ZNF638: variants seen among roughly 807,000 people sequenced by gnomAD.
ZNF638 encodes zinc finger protein 638.
ZNF638 carries 46 observed loss-of-function variants against 195.6 expected under a neutral mutation model. The ratio of observed to expected loss-of-function variants is 0.24; its 90% CI spans 0.19 to 0.30. ZNF638 has a LOEUF of 0.30. ZNF638 is among the 10% of genes least tolerant of loss of function. The probability of loss-of-function intolerance (pLI) is 1.00; values close to 1 mark genes in which losing one functional copy is unlikely to be tolerated. For synonymous variants in ZNF638, 845 were observed against 772.0 expected (o/e 1.09, Z -1.57); for missense variants, 2,440 against 2,325.3 (o/e 1.05, Z -1.01).
intron 1 of ZNF638, among the ~76,000 whole-genome samples, chr2:71,333,371 C>G (rs371826034): frequency 2.6e-5 from 4 of 152,234 alleles, no homozygotes; most frequent in African/African-American, 9.6e-5. Context: ...TGGAAGAAAT[C>G]ACAAAATCTT....
At chr2:71,342,135 C>T (rs1048154092) in intron 1 of ZNF638, among the ~76,000 whole-genome samples, 8 of 145,954 alleles carry the variant, frequency 5.5e-5, no homozygotes, top group African/African-American at 2.0e-4. Context: ...GCAGGAGAAT[C>T]GCTTGAACCC....
At chr2:71,409,882 G>C (rs1455707590) in intron 20 of ZNF638, among the ~76,000 whole-genome samples, 1 of 152,120 alleles carries the variant, frequency 6.6e-6, no homozygotes, top group Non-Finnish European at 1.5e-5. Context: ...TCACGTCACA[G>C]GTGGTTTTTC....
chr2:71,380,145 A>G, intron 8 of ZNF638, 77 bp from the exon 9 acceptor site: 1 of 793,516 alleles, frequency 1.3e-6, no homozygotes, highest in Non-Finnish European at 1.9e-6. Context: ...GAATAGGAAG[A>G]TTTTAGATTT....
intron 1 of ZNF638, among the ~76,000 whole-genome samples, chr2:71,334,018 A>C (rs1396969044): frequency 6.6e-6 from 1 of 152,214 alleles, no homozygotes; most frequent in Non-Finnish European, 1.5e-5. Flanking sequence ...AAGGCCCTCT[A>C]ATCTAACTTT....
At chr2:71,339,080 A>G (rs924910343) in intron 1 of ZNF638, among the ~76,000 whole-genome samples, 4 of 150,684 alleles carry the variant, frequency 2.7e-5, no homozygotes, top group Non-Finnish European at 5.9e-5. Context: ...AAAAGATGGC[A>G]TACTGTATGC....
At chr2:71,372,056 G>GA (rs2079323576) in intron 8 of ZNF638, among the ~76,000 whole-genome samples, 1 of 152,138 alleles carries the variant, frequency 6.6e-6, no homozygotes, top group Admixed American at 6.5e-5. Context: ...TTAGATAAAA[G>GA]TCTTTAATCT....
chr2:71,411,935 T>TA lies in ZNF638; in HGVS notation c.3261+3689dup, dbSNP rs1370401384. On this transcript the variant is annotated intron_variant, in intron 20 of 27. Transcript: ENST00000264447. ...ATTGTGAATAGTGCCGCAATAAACA[T>TA]ACGTGTGCATGTGTCTTTATAGCAG... Among the ~76,000 whole-genome samples, 36 of 82,342 alleles carry TA rather than the reference T, an allele frequency of 4.4e-4. 4 individuals carry two copies. In the East Asian group the frequency reaches 7.9e-3, roughly 18 times the overall value. 54.0% of individuals were successfully genotyped at this position (82,342 alleles called of 152,430 possible). A position where few individuals can be genotyped will look rare whatever the true frequency, so the allele number is the denominator to read the frequency against.
Position 71,423,294 on chromosome 2 carries a change from A to G in ZNF638, c.3780A>G (p.Glu1260=), listed in dbSNP as rs1295565987. 1 of 1,614,000 alleles carries G rather than the reference A, an allele frequency of 6.2e-7. No individual in the cohort carries two copies. Among genetic ancestry groups the G allele is most frequent in the Non-Finnish European group, 8.5e-7 (1 of 1,179,982 alleles). ...FISGITQTMV[E]AVAEVEKNET... is the part of the protein sequence containing the mutation. ...CTGGAATTACACAGACTATGGTAGA[A>G]GCTGTAGCTGAAGTAGAAAAAAATG... The change falls in exon 22 of 28, where the codon GAA becomes GAG. Residue 1260 remains glutamate, a synonymous_variant. Coordinates refer to ENST00000264447, the MANE Select transcript of ZNF638 (RefSeq NM_014497.5).
In ZNF638 at chr2:71,349,944, A is replaced by G. The variant is rs752068883; in HGVS notation, c.990A>G (p.Pro330=). The change falls in exon 2 of 28, where the codon CCA becomes CCG. Residue 330 remains proline, a synonymous_variant. Transcript: ENST00000264447. ...SQTMSQSLIP[P]SMNQQPFSSE... ...CAATGAGTCAATCTCTGATTCCTCC[A>G]TCTATGAACCAGCAACCTTTTTCGT... is the stretch of plus-strand genomic sequence containing the variant. 2 of 1,614,250 alleles carry G rather than the reference A, an allele frequency of 1.2e-6. No individual in the cohort carries two copies. The highest frequency in any genetic ancestry group is 2.2e-5 in the East Asian group (1 of 44,888).
chr2:71,381,253 G>T (rs540000476), intron 10 of ZNF638, among the ~76,000 whole-genome samples: 9 of 152,218 alleles, frequency 5.9e-5, no homozygotes, highest in African/African-American at 1.9e-4. Context: ...CGTTTTGTAT[G>T]TTCTGTTTGG....
At chr2:71,377,215 G>A (rs1445291796) in intron 8 of ZNF638, among the ~76,000 whole-genome samples, 1 of 152,090 alleles carries the variant, frequency 6.6e-6, no homozygotes, top group Non-Finnish European at 1.5e-5. Context: ...GCTGGGTGAC[G>A]GAGTGAGACC....
At chr2:71,341,564 G>A (rs577903809) in intron 1 of ZNF638, 9 of 152,092 alleles carry the variant, frequency 5.9e-5, no homozygotes, top group African/African-American at 2.2e-4. Flanking sequence ...TTTGTTTGCA[G>A]CTTTATTGTT....
chr2:71,409,511 A>G (rs1481253739), intron 20 of ZNF638, among the ~76,000 whole-genome samples: 1 of 152,194 alleles, frequency 6.6e-6, no homozygotes, highest in African/African-American at 2.4e-5. Flanking sequence ...AATAATGAGA[A>G]TGGGTTTATA....
chr2:71,401,907 T>C, intron 15 of ZNF638, 49 bp from the exon 16 acceptor site: 5 of 1,492,868 alleles, frequency 3.3e-6, no homozygotes, highest in Non-Finnish European at 3.6e-6. Flanking sequence ...CTTAAGTAAA[T>C]ATGAAACAAA....
At chr2:71,387,244 G>C (rs899906888) in intron 10 of ZNF638, among the ~76,000 whole-genome samples, 1 of 152,094 alleles carries the variant, frequency 6.6e-6, no homozygotes, top group Non-Finnish European at 1.5e-5. Context: ...CAAAAAGTAG[G>C]ACAGAAGAGA....
chr2:71,430,426 T>C (rs1306199245), intron 25 of ZNF638, among the ~76,000 whole-genome samples: 2 of 152,148 alleles, frequency 1.3e-5, no homozygotes, highest in African/African-American at 4.8e-5. Flanking sequence ...GTGTGAGGAA[T>C]AAGAGTAAGT....
intron 10 of ZNF638, chr2:71,388,668 C>G: frequency 2.9e-6 from 3 of 1,020,538 alleles, no homozygotes; most frequent in Non-Finnish European, 4.7e-6. Flanking sequence ...GTGAGGAACA[C>G]TGCAAGGGAT....
At chr2:71,395,165 C>T (rs1016061993) in intron 10 of ZNF638, 5 of 712,530 alleles carry the variant, frequency 7.0e-6, no homozygotes. Flanking sequence ...AACATCTCTC[C>T]TGGATAGACC....
intron 23 of ZNF638, among the ~76,000 whole-genome samples, chr2:71,425,174 CATATTTT>C (rs1366056368): frequency 1.3e-5 from 2 of 152,144 alleles, no homozygotes; most frequent in African/African-American, 4.8e-5. Flanking sequence ...TGTTGTCAAA[CATATTTT>C]ATATTTGGTT....
Sources: gnomAD v4.1 joint callset for allele counts (sites outside exome capture counted in the v4.1 genomes callset) on GRCh38, gnomAD v4.1.1 for gene constraint, MANE v1.5 for transcripts, NCBI Gene and HGNC (gene_info 2026-07-23, HGNC 2026-07-21) for gene names.